Variants in CDKL2 observed in about 807,000 individuals in gnomAD.
The protein encoded by CDKL2 is cyclin-dependent kinase-like 2.
Under a neutral mutation model 63.9 loss-of-function variants are expected in CDKL2, and 64 were observed. That is an observed-to-expected ratio of 1.00 (90% CI 0.82 to 1.23). The LOEUF is 1.23. Ranked by LOEUF, CDKL2 falls within the 50% of genes most tolerant of loss-of-function variation. CDKL2 has a pLI of 0.00. For missense variants in CDKL2, 656 were observed against 668.0 expected, an observed-to-expected ratio of 0.98 and a Z score of 0.20; for synonymous variants, 211 against 229.2, an observed-to-expected ratio of 0.92 and a Z score of 0.72.
intron 3 of CDKL2, among the ~76,000 whole-genome samples, chr4:75,611,782 G>A (rs1347018805): frequency 6.6e-6 from 1 of 151,246 alleles, no homozygotes. Context: ...AGCCTTCCGA[G>A]TAGCTGGGAT....
chr4:75,605,914 TC>T (rs1729407300), intron 4 of CDKL2, among the ~76,000 whole-genome samples: 1 of 152,236 alleles, frequency 6.6e-6, no homozygotes, highest in African/African-American at 2.4e-5. Context: ...AAATGATTTT[TC>T]CCTATTAAAA....
In CDKL2 at chr4:75,589,813, TA is replaced by T. The variant is rs776502295; in HGVS notation, c.1647+2005del. 3.6e-3 allele frequency among the ~76,000 whole-genome samples: 507 copies of T among 142,732 alleles called. 2 individuals carry two copies. The highest frequency in any genetic ancestry group is 6.6e-3 in the African/African-American group (258 of 39,182). 93.6% of individuals were successfully genotyped at this position (142,732 alleles called of 152,430 possible). ...TAAACAGATAAATAGACTCCATCTCTAAAAAAAAAAAAAATTGTGTTAGCTG... is the reference window on the plus strand; with the variant it reads ...TAAACAGATAAATAGACTCCATCTCTAAAAAAAAAAAAATTGTGTTAGCTG... On this transcript the variant is annotated intron_variant, in intron 12 of 13. Coordinates refer to ENST00000307465, the MANE Select transcript of CDKL2 (RefSeq NM_001330724.2).
At chr4:75,592,304 A>C (rs1450457166) in intron 10 of CDKL2, 35 bp from the exon 11 acceptor site, 30 of 1,490,398 alleles carry the variant, frequency 2.0e-5, no homozygotes, top group Non-Finnish European at 2.7e-5. Flanking sequence ...AAAAAGAATT[A>C]GTTTCAAGGT....
At chr4:75,611,225 G>C (rs578166872) in intron 3 of CDKL2, among the ~76,000 whole-genome samples, 1 of 152,106 alleles carries the variant, frequency 6.6e-6, no homozygotes, top group African/African-American at 2.4e-5. Flanking sequence ...TTGGGAGGCC[G>C]AGGTGGGCCG....
chr4:75,586,070 G>A (rs965643176), intron 12 of CDKL2, among the ~76,000 whole-genome samples: 13 of 152,152 alleles, frequency 8.5e-5, no homozygotes, highest in African/African-American at 3.1e-4. Context: ...CACACTGAGT[G>A]TATTCTCTGA....
intron 2 of CDKL2, among the ~76,000 whole-genome samples, chr4:75,617,393 C>T (rs1729976034): frequency 6.6e-6 from 1 of 152,084 alleles, no homozygotes; most frequent in Non-Finnish European, 1.5e-5. Flanking sequence ...GAAATAGGTA[C>T]AATTATTATC....
At chr4:75,595,965 GAA>G in intron 10 of CDKL2, 3 of 161,640 alleles carry the variant, frequency 1.9e-5, no homozygotes, top group South Asian at 1.3e-4. Flanking sequence ...AGGAAGGAAG[GAA>G]GGAAGGAAAG....
At chr4:75,588,261 T>C (rs1473086298) in intron 12 of CDKL2, among the ~76,000 whole-genome samples, 3 of 151,090 alleles carry the variant, frequency 2.0e-5, no homozygotes, top group African/African-American at 7.3e-5. Flanking sequence ...AGAATAAAGC[T>C]CTTGAGACAG....
chr4:75,614,181 TA>T, intron 3 of CDKL2, 73 bp downstream of exon 3: 1 of 973,478 alleles, frequency 1.0e-6, no homozygotes, highest in Non-Finnish European at 1.5e-6. Flanking sequence ...TTCAAATGCA[TA>T]AATCAATAAG....
Position 75,614,340 on chromosome 4 carries a change from A to G in CDKL2, c.278T>C (p.Leu93Pro). ...TTGGTAGTCTAGTCCATTTGGAAAG[A>G]GCTCCAAGTCATCAAGAATTGTGTG... is the stretch of plus-strand genomic sequence containing the variant. ...VDHTILDDLE[L>P]FPNGLDYQVV... Residue 93 changes from leucine to proline, a missense_variant, in exon 3 of 14, where the codon CTC becomes CCC. Transcript: ENST00000307465. 6.2e-7 allele frequency: 1 copy of G among 1,611,544 alleles called. No individual in the cohort carries two copies. The highest frequency in any genetic ancestry group is 8.5e-7 in the Non-Finnish European group (1 of 1,178,688).
At chr4:75,602,460 G>A (rs1729238009) in intron 6 of CDKL2, among the ~76,000 whole-genome samples, 1 of 151,830 alleles carries the variant, frequency 6.6e-6, no homozygotes, top group Non-Finnish European at 1.5e-5. Flanking sequence ...TTACAGGCAT[G>A]AGCCACCATG....
chr4:75,620,360 T>C (rs1438936762), intron 2 of CDKL2, among the ~76,000 whole-genome samples: 2 of 152,126 alleles, frequency 1.3e-5, no homozygotes, highest in East Asian at 1.9e-4. Context: ...TTATCAGATA[T>C]GGACTACTAC....
At chr4:75,602,473 C>T (rs564631388) in intron 6 of CDKL2, among the ~76,000 whole-genome samples, 1 of 151,404 alleles carries the variant, frequency 6.6e-6, no homozygotes, top group African/African-American at 2.4e-5. Context: ...CCACCATGCC[C>T]GGCCATCCTA....
chr4:75,606,798 C>T (rs1048031074), intron 4 of CDKL2, among the ~76,000 whole-genome samples: 1 of 152,144 alleles, frequency 6.6e-6, no homozygotes, highest in Non-Finnish European at 1.5e-5. Context: ...GAAGAATTCC[C>T]TTGTGAAGAA....
At chr4:75,596,065 CTT>C in intron 10 of CDKL2, 180 bp downstream of exon 10, 1 of 391,778 alleles carries the variant, frequency 2.6e-6, no homozygotes, top group Non-Finnish European at 4.5e-6. Flanking sequence ...ACTCATAAAA[CTT>C]AAACTTTCAG....
At chr4:75,614,195 AGATTAAAG>A in intron 3 of CDKL2, 52 bp downstream of exon 3, 1 of 1,088,858 alleles carries the variant, frequency 9.2e-7, no homozygotes. Flanking sequence ...TCAATAAGAC[AGATTAAAG>A]GATTAATGAA....
intron 10 of CDKL2, among the ~76,000 whole-genome samples, chr4:75,595,898 T>C (rs1269655058): frequency 6.9e-6 from 1 of 144,280 alleles, no homozygotes; most frequent in East Asian, 2.0e-4. Context: ...CACTGCACTG[T>C]AGCCTGGGCA....
intron 2 of CDKL2, among the ~76,000 whole-genome samples, chr4:75,621,633 T>A (rs1730162605): frequency 6.6e-6 from 1 of 152,112 alleles, no homozygotes; most frequent in African/African-American, 2.4e-5. Flanking sequence ...ACTCCTGGGC[T>A]CAAGTGATCC....
rs78774736 is a variant in CDKL2 at position 75,596,230 on chromosome 4, G to A, written c.1416+17C>T. On this transcript the variant is annotated intron_variant, in intron 10 of 13. Coordinates refer to ENST00000307465, the MANE Select transcript of CDKL2 (RefSeq NM_001330724.2). ...GACTGGTGTTTGCTCTTCTACTACTGAGAACTGCTTACTTACTAATGTGGT... is the reference window on the plus strand; with the variant it reads ...GACTGGTGTTTGCTCTTCTACTACTAAGAACTGCTTACTTACTAATGTGGT... 0.1 allele frequency: 151,537 copies of A among 1,444,928 alleles called. 9,089 individuals are homozygous for A. Among genetic ancestry groups the A allele is most frequent in the Middle Eastern group, 0.24 (1,345 of 5,720 alleles). The allele number at this position is 1,444,928 out of a possible 1,614,324, so 89.5% of individuals were successfully genotyped here.
Sources: allele counts gnomAD v4.1 joint callset (sites outside exome capture counted in the v4.1 genomes callset), GRCh38; gene constraint gnomAD v4.1.1; transcripts MANE v1.5; gene names NCBI Gene and HGNC (gene_info 2026-07-23, HGNC 2026-07-21).